NIT2: variants seen among roughly 807,000 people sequenced by gnomAD.
The protein encoded by NIT2 is nitrilase family member 2.
NIT2 carries 46 observed loss-of-function variants against 42.7 expected under a neutral mutation model. The ratio of observed to expected loss-of-function variants is 1.08; its 90% CI spans 0.85 to 1.38. The LOEUF (loss-of-function observed/expected upper bound fraction) is 1.38, where lower values mean the gene tolerates loss of function less well. NIT2 is among the 40% of genes most tolerant of loss of function. The probability of loss-of-function intolerance (pLI) is 0.00; values close to 1 mark genes in which losing one functional copy is unlikely to be tolerated. For missense variants in NIT2, 309 were observed against 342.5 expected, an observed-to-expected ratio of 0.90 and a Z score of 0.77; for synonymous variants, 123 against 121.9, an observed-to-expected ratio of 1.01 and a Z score of -0.06.
Position 100,357,239 on chromosome 3 carries a change from C to G in NIT2, c.*1971C>G, listed in dbSNP as rs1706332230. The G allele has an allele frequency of 6.6e-6, 1 of 152,178 alleles. No homozygotes were observed. The highest frequency in any genetic ancestry group is 2.4e-5 in the African/African-American group (1 of 41,444). 9.4% of individuals were successfully genotyped at this position (152,178 alleles called of 1,614,324 possible). Reference sequence around the variant, plus strand: ...AACCCTAGACTATAGTACCACTGCTCTCTATCCTAGCAGGCACACTGAAAG... The same window carrying G: ...AACCCTAGACTATAGTACCACTGCTGTCTATCCTAGCAGGCACACTGAAAG... On this transcript the variant is annotated 3_prime_UTR_variant, in exon 10 of 10. Transcript: ENST00000394140.
In NIT2 at chr3:100,357,900, C is replaced by T. The variant is rs1244086287; in HGVS notation, c.*2632C>T. 2 of 151,944 alleles carry T rather than the reference C, an allele frequency of 1.3e-5. No individual in the cohort carries two copies. The highest frequency in any genetic ancestry group is 2.9e-5 in the Non-Finnish European group (2 of 68,022). The allele number at this position is 151,944 out of a possible 1,614,324, so 9.4% of individuals were successfully genotyped here. On this transcript the variant is annotated 3_prime_UTR_variant, in exon 10 of 10. Transcript: ENST00000394140. The stretch of plus-strand genomic sequence containing the variant: ...CAAGTGATCCACCTGCCTTAGCCTC[C>T]CAAAATGCTAGGATTAGAGGCGTGA...
Position 100,350,934 on chromosome 3 carries a change from C to T in NIT2, c.585-1470C>T, listed in dbSNP as rs368695176. Among the ~76,000 whole-genome samples the T allele has an allele frequency of 1.4e-4, 22 of 151,986 alleles. No individual in the cohort carries two copies. In the East Asian group the frequency reaches 4.3e-3, roughly 29 times the overall value. ...ATGTGTTCTCATTGTTCAATTCCCA[C>T]CTATGAGTGAGAATATGCGGTGTTT... On this transcript the variant is annotated intron_variant, in intron 7 of 9. Transcript: ENST00000394140.
At chr3:100,344,911 C>T (rs545967616) in intron 4 of NIT2, among the ~76,000 whole-genome samples, 1 of 149,828 alleles carries the variant, frequency 6.7e-6, no homozygotes, top group East Asian at 2.0e-4. Flanking sequence ...CTACTTTCCA[C>T]CTCTCCTGTC....
intron 8 of NIT2, 64 bp from the exon 9 acceptor site, chr3:100,354,708 A>AG (rs1457271145): frequency 3.0e-6 from 4 of 1,348,830 alleles, no homozygotes; most frequent in Non-Finnish European, 4.1e-6. Context: ...GGAGGAAAAA[A>AG]CAGAGACCTT....
chr3:100,344,903 A>G (rs1247181548), intron 4 of NIT2, among the ~76,000 whole-genome samples: 2 of 143,204 alleles, frequency 1.4e-5, no homozygotes, highest in Non-Finnish European at 3.0e-5. Flanking sequence ...ATGCCCACCT[A>G]CTTTCCACCT....
At chr3:100,354,894 C>T in intron 9 of NIT2, 67 bp downstream of exon 9, 2 of 1,329,532 alleles carry the variant, frequency 1.5e-6, no homozygotes, top group South Asian at 2.6e-5. Flanking sequence ...GACTCCATGG[C>T]TGGGAAGTCC....
chr3:100,355,229 G>T lies in NIT2; in HGVS notation c.792G>T (p.Lys264Asn), dbSNP rs1576204685. ...IRQQIPVFRQ[K>N]RSDLYAVEMK... is the part of the protein sequence containing the mutation. ...AGCAAATCCCCGTTTTTAGACAGAAGCGATCAGACCTCTATGCTGTGGAGA... is the reference window on the plus strand; with the variant it reads ...AGCAAATCCCCGTTTTTAGACAGAATCGATCAGACCTCTATGCTGTGGAGA... The change falls in exon 10 of 10, where the codon AAG (lysine) becomes AAT (asparagine). Residue 264 changes from lysine to asparagine, a missense_variant. Physicochemically the swap from Lys to Asn is moderately conservative, Grantham distance 94. Coordinates refer to ENST00000394140, the MANE Select transcript of NIT2 (RefSeq NM_020202.5). 1 of 1,614,116 alleles carries T rather than the reference G, an allele frequency of 6.2e-7. No individual in the cohort carries two copies. Among genetic ancestry groups the T allele is most frequent in the East Asian group, 2.2e-5 (1 of 44,880 alleles).
In NIT2 at chr3:100,358,559, T is replaced by G. The variant is rs748454530; in HGVS notation, c.*3291T>G. ...GGATGACGACCTCTGTTGAAATAGG[T>G]CAGGATGTGCAGTTTGTGGTGAAAG... is the stretch of plus-strand genomic sequence containing the variant. On this transcript the variant is annotated 3_prime_UTR_variant, in exon 10 of 10. Transcript: ENST00000394140. 9.9e-5 allele frequency: 15 copies of G among 152,206 alleles called. No individual in the cohort carries two copies. The highest frequency in any genetic ancestry group is 1.8e-4 in the Non-Finnish European group (12 of 68,040). 9.4% of individuals were successfully genotyped at this position (152,206 alleles called of 1,614,324 possible).
chr3:100,339,260 T>C, intron 2 of NIT2, 55 bp downstream of exon 2: 1 of 1,107,540 alleles, frequency 9.0e-7, no homozygotes, highest in South Asian at 1.2e-5. Flanking sequence ...AGCAGAACGG[T>C]GTTTGCTAGC....
chr3:100,342,648 T>G (rs1706169214), intron 4 of NIT2, among the ~76,000 whole-genome samples: 1 of 152,080 alleles, frequency 6.6e-6, no homozygotes, highest in Non-Finnish European at 1.5e-5. Context: ...TATAGGTCCA[T>G]TTTTCTACCC....
At position 100,352,442 on chromosome 3, in the gene NIT2, C is replaced by A; in HGVS notation, c.623C>A (p.Pro208His). Residue 208 changes from proline (P) to histidine (H), a missense_variant, in exon 8 of 10, where the codon CCT (proline) becomes CAT (histidine). Pro to His is a moderately conservative substitution (Grantham distance 77). Coordinates refer to ENST00000394140, the MANE Select transcript of NIT2 (RefSeq NM_020202.5). ...DNQVYVATAS[P>H]ARDDKASYVA... is the part of the protein sequence containing the mutation. ...CAGGTGTATGTGGCCACAGCCTCTC[C>A]TGCCCGGGATGACAAAGCCTCCTAT... 1 of 1,613,554 alleles carries A rather than the reference C, an allele frequency of 6.2e-7. No individual in the cohort carries two copies.
chr3:100,345,610 C>G lies in NIT2; in HGVS notation c.362C>G (p.Pro121Arg). The G allele has an allele frequency of 6.2e-7, 1 of 1,612,616 alleles. No homozygotes were observed. The highest frequency in any genetic ancestry group is 8.5e-7 in the Non-Finnish European group (1 of 1,178,912). The change falls in exon 5 of 10, where the codon CCT (proline) becomes CGT (arginine). Residue 121 changes from proline to arginine, a missense_variant. Pro to Arg is a moderately radical substitution (Grantham distance 103, BLOSUM62 -2). Coordinates refer to ENST00000394140, the MANE Select transcript of NIT2 (RefSeq NM_020202.5). ...ATCCATCTGTTTGACATTGATGTTC[C>G]TGGAAAAATTACATTTCAAGAATCT... ...RKIHLFDIDVPGKITFQESKT... is the reference protein window; with the variant it reads ...RKIHLFDIDVRGKITFQESKT...
intron 1 of NIT2, among the ~76,000 whole-genome samples, chr3:100,338,499 G>T (rs1188760804): frequency 6.6e-6 from 1 of 152,158 alleles, no homozygotes; most frequent in East Asian, 1.9e-4. Context: ...GGATCGATGT[G>T]CTGTGACCCA....
chr3:100,348,678 G>A, intron 6 of NIT2, 125 bp from the exon 7 acceptor site: 1 of 684,462 alleles, frequency 1.5e-6, no homozygotes, highest in South Asian at 1.8e-5. Flanking sequence ...TGTCTGACTT[G>A]GCTGACATCT....
chr3:100,347,727 G>A (rs1706231575), intron 6 of NIT2, among the ~76,000 whole-genome samples: 1 of 152,202 alleles, frequency 6.6e-6, no homozygotes, highest in African/African-American at 2.4e-5. Flanking sequence ...CCCAGCCAGT[G>A]TCCATGCTAT....
rs1706331541 is a variant in NIT2 at position 100,357,090 on chromosome 3, TGAG to T, written c.*1823_*1825del. On this transcript the variant is annotated 3_prime_UTR_variant, in exon 10 of 10. Coordinates refer to ENST00000394140, the MANE Select transcript of NIT2 (RefSeq NM_020202.5). ...TCATAATTCATTCCTTTTTTATTGC[TGAG>T]TAGTATACAATTTGTTTATCCATTT... 1 of 152,212 alleles carries T rather than the reference TGAG, an allele frequency of 6.6e-6. No individual in the cohort carries two copies. The highest frequency in any genetic ancestry group is 1.5e-5 in the Non-Finnish European group (1 of 68,042). 9.4% of individuals were successfully genotyped at this position (152,212 alleles called of 1,614,324 possible).
rs537768906 is a variant in NIT2 at position 100,337,030 on chromosome 3, T to G, written c.8-2057T>G. On this transcript the variant is annotated intron_variant, in intron 1 of 9. Coordinates refer to ENST00000394140, the MANE Select transcript of NIT2 (RefSeq NM_020202.5). ...GTTTGTGTCCCTGGGTACTTGAGAT[T>G]AGGGAGTGGTGATGACTCTTAAGGA... is the stretch of plus-strand genomic sequence containing the variant. Among the ~76,000 whole-genome samples the G allele has an allele frequency of 8.4e-4, 128 of 152,334 alleles. 4 individuals are homozygous for G. The South Asian group carries it at 0.026, about 31-fold the overall frequency.
intron 8 of NIT2, among the ~76,000 whole-genome samples, chr3:100,353,296 A>G (rs946606350): frequency 7.9e-5 from 12 of 152,336 alleles, no homozygotes; most frequent in African/African-American, 1.9e-4. Context: ...ATGTATGTCT[A>G]CATTTCAGGA....
At chr3:100,337,033 GGA>G (rs1430114663) in intron 1 of NIT2, among the ~76,000 whole-genome samples, 1 of 152,196 alleles carries the variant, frequency 6.6e-6, no homozygotes, top group Non-Finnish European at 1.5e-5. Context: ...TTGAGATTAG[GGA>G]GTGGTGATGA....
Sources: allele counts gnomAD v4.1 joint callset (sites outside exome capture counted in the v4.1 genomes callset), GRCh38; gene constraint gnomAD v4.1.1; transcripts MANE v1.5; gene names NCBI Gene and HGNC (gene_info 2026-07-23, HGNC 2026-07-21).